The following NOC3L variants were observed in gnomAD, a reference collection of about 807,000 sequenced individuals.
NOC3L encodes the protein NOC3 like DNA replication regulator.
Under a neutral mutation model 102.5 loss-of-function variants are expected in NOC3L, and 85 were observed. That is an observed-to-expected ratio of 0.83 (90% CI 0.70 to 0.99). NOC3L has a LOEUF of 0.99. Among genes scored for constraint, NOC3L ranks in the 50% least tolerant of loss-of-function variants. The pLI is 0.00. For synonymous variants in NOC3L, 303 were observed against 309.4 expected (o/e 0.98, Z 0.22); for missense variants, 878 against 914.9 (o/e 0.96, Z 0.52).
Position 94,339,894 on chromosome 10 carries a change from C to A in NOC3L, c.1807G>T (p.Val603Leu), listed in dbSNP as rs186954592. ...AGCATGACATCAAGGCACTGGAGTA[C>A]AATCTCAACACCTTCATTGGTAGCA... ...AGATNEGVEIVLQCLDVMLTK... is the reference protein window; with the variant it reads ...AGATNEGVEILLQCLDVMLTK... Residue 603 changes from valine to leucine, a missense_variant, in exon 17 of 21, where the codon GTA (valine) becomes TTA (leucine). By Grantham distance (32) the Val-to-Leu change is conservative. Coordinates refer to ENST00000371361, the MANE Select transcript of NOC3L (RefSeq NM_022451.11). The A allele has an allele frequency of 4.5e-5, 73 of 1,613,992 alleles. No individual in the cohort carries two copies. The East Asian group carries it at 1.4e-3, about 32-fold the overall frequency.
At chr10:94,329,972 G>A (rs960643782), downstream of NOC3L, 1 of 152,034 alleles carries the variant, frequency 6.6e-6, no homozygotes, top group African/African-American at 2.4e-5. Context: ...AATGCACAAT[G>A]CTGCTCCATT....
At chr10:94,362,805 C>A in intron 1 of NOC3L, 25 bp downstream of exon 1, 1 of 1,613,996 alleles carries the variant, frequency 6.2e-7, no homozygotes, top group Non-Finnish European at 8.5e-7. Context: ...TAGGCCGCGG[C>A]GACCGGGCTT....
chr10:94,341,534 T>C, intron 14 of NOC3L, 139 bp downstream of exon 14: 2 of 424,022 alleles, frequency 4.7e-6, no homozygotes, highest in Non-Finnish European at 8.3e-6. Flanking sequence ...CATATGATCA[T>C]AGGCCTTTGT....
At chr10:94,341,638 T>TATA in intron 14 of NOC3L, 35 bp downstream of exon 14, 1 of 1,158,902 alleles carries the variant, frequency 8.6e-7, no homozygotes, top group South Asian at 1.8e-5. Flanking sequence ...TAATTACCAT[T>TATA]TATATCTTTT....
intron 8 of NOC3L, among the ~76,000 whole-genome samples, chr10:94,351,142 A>G (rs2054411347): frequency 6.6e-6 from 1 of 152,278 alleles, no homozygotes; most frequent in South Asian, 2.1e-4. Flanking sequence ...TCAAAAACAA[A>G]AGAAAAACTC....
chr10:94,322,007 G>C, the NOC3L span: 11 of 1,614,012 alleles, frequency 6.8e-6, 1 homozygote, highest in Non-Finnish European at 9.3e-6. Context: ...GAGCAACCTC[G>C]AACAGTCATC....
chr10:94,350,066 G>A (rs770552835), intron 9 of NOC3L, 47 bp downstream of exon 9: 25 of 1,591,298 alleles, frequency 1.6e-5, no homozygotes, highest in South Asian at 2.2e-5. Flanking sequence ...CCCACATGGT[G>A]TATAATTTTC....
chr10:94,351,691 A>ATT lies in NOC3L; in HGVS notation c.952+617_952+618dup, dbSNP rs72378230. ...CTATAGGCATGGGCCATCATGCCTA[A>ATT]TTTTTTTTTTTTTTTTTTAGAGACA... On this transcript the variant is annotated intron_variant, in intron 8 of 20. Transcript: ENST00000371361. Among the ~76,000 whole-genome samples the ATT allele has an allele frequency of 7.7e-4, 108 of 139,988 alleles. 1 individual carries two copies. The highest frequency in any genetic ancestry group is 2.1e-3 in the African/African-American group (80 of 38,100). The allele number at this position is 139,988 out of a possible 152,430, so 91.8% of individuals were successfully genotyped here. A position where few individuals can be genotyped will look rare whatever the true frequency, so the allele number is the denominator to read the frequency against.
rs776635048 is a variant in NOC3L at position 94,339,927 on chromosome 10, C to G, written c.1781-7G>C. 2.5e-6 allele frequency: 4 copies of G among 1,610,660 alleles called. No individual in the cohort carries two copies. In the East Asian group the frequency reaches 8.9e-5, roughly 36 times the overall value. On this transcript the variant is annotated splice_polypyrimidine_tract_variant and splice_region_variant and intron_variant, in intron 16 of 20. Coordinates refer to ENST00000371361, the MANE Select transcript of NOC3L (RefSeq NM_022451.11). ...ACACCTTCATTGGTAGCACCTAAAA[C>G]AGCAGACATATTCTTCAGAGCTGTT...
intron 14 of NOC3L, among the ~76,000 whole-genome samples, chr10:94,340,848 G>T (rs1469223686): frequency 6.6e-6 from 1 of 151,914 alleles, no homozygotes; most frequent in Non-Finnish European, 1.5e-5. Flanking sequence ...GGGCATGGTG[G>T]TGGGCGCCTG....
intron 17 of NOC3L, 113 bp from the exon 18 acceptor site, chr10:94,338,849 C>T (rs2054250614): frequency 3.5e-6 from 3 of 854,088 alleles, no homozygotes; most frequent in African/African-American, 3.4e-5. Flanking sequence ...AAGAGCTTTG[C>T]ATAAAGTCTT....
chr10:94,324,226 G>A, the NOC3L span: 15 of 803,516 alleles, frequency 1.9e-5, 1 homozygote, highest in South Asian at 1.9e-4. Flanking sequence ...TGGATGAAAT[G>A]ATCTGGAAGA....
chr10:94,336,417 G>A lies in NOC3L; in HGVS notation c.2189+1360C>T, dbSNP rs185740754. 2.1e-3 allele frequency among the ~76,000 whole-genome samples: 313 copies of A among 151,362 alleles called. 5 individuals carry two copies. Among genetic ancestry groups the A allele is most frequent in the Admixed American group, 0.019 (291 of 15,184 alleles). On this transcript the variant is annotated intron_variant, in intron 19 of 20. Transcript: ENST00000371361. ...GGCTGGAGTGCAATGGCGAGATCTC[G>A]ACTCACTGCAATCTCCGCCTCCCGG...
At chr10:94,327,206 ATG>A in the NOC3L span, among the ~76,000 whole-genome samples, 1 of 152,208 alleles carries the variant, frequency 6.6e-6, no homozygotes, top group African/African-American at 2.4e-5. Context: ...TGGTGCATCT[ATG>A]TGAATTGACA....
intron 6 of NOC3L, 134 bp downstream of exon 6, chr10:94,354,829 A>T: frequency 1.2e-6 from 1 of 809,494 alleles, no homozygotes; most frequent in Non-Finnish European, 1.9e-6. Flanking sequence ...CTACTCTCTT[A>T]CTCTAACCCA....
chr10:94,355,702 C>T (rs928206999), intron 5 of NOC3L, among the ~76,000 whole-genome samples: 5 of 152,074 alleles, frequency 3.3e-5, no homozygotes, highest in Admixed American at 1.3e-4. Flanking sequence ...AGCTCATATT[C>T]TTAGCTTCTA....
intron 2 of NOC3L, among the ~76,000 whole-genome samples, chr10:94,360,673 TTA>T (rs1248078694): frequency 2.6e-5 from 4 of 152,140 alleles, no homozygotes; most frequent in African/African-American, 9.7e-5. Flanking sequence ...ATAATTTATT[TTA>T]TGTTTTAAAA....
chr10:94,319,279 A>G, the NOC3L span, among the ~76,000 whole-genome samples: 1 of 152,244 alleles, frequency 6.6e-6, no homozygotes, highest in Non-Finnish European at 1.5e-5. Flanking sequence ...TAGTGTATCT[A>G]GGTTTACCTG....
chr10:94,330,885 C>G (rs990283803), downstream of NOC3L: 4 of 152,166 alleles, frequency 2.6e-5, no homozygotes, highest in Admixed American at 2.6e-4. Flanking sequence ...CTTTTTAGGC[C>G]ACCAGAAATC....
Sources: allele counts gnomAD v4.1 joint callset (sites outside exome capture counted in the v4.1 genomes callset), GRCh38; gene constraint gnomAD v4.1.1; transcripts MANE v1.5; gene names NCBI Gene and HGNC (gene_info 2026-07-23, HGNC 2026-07-21).